Variants in UGT1A9 observed in about 807,000 individuals in gnomAD.
UGT1A9 encodes UDP-glucuronosyltransferase 1A9.
In UGT1A9, 35 loss-of-function variants were observed where a neutral mutation model predicts 45.0. The observed-to-expected ratio is 0.78, with a 90% confidence interval of 0.59 to 1.03. The LOEUF is 1.03. Among genes scored for constraint, UGT1A9 ranks in the 50% least tolerant of loss-of-function variants. The probability of loss-of-function intolerance (pLI) is 0.00; values close to 1 mark genes in which losing one functional copy is unlikely to be tolerated. For synonymous variants in UGT1A9, 278 were observed against 250.6 expected, an observed-to-expected ratio of 1.11 and a Z score of -1.03; for missense variants, 687 against 666.6, an observed-to-expected ratio of 1.03 and a Z score of -0.34.
At chr2:233,759,114 A>T (rs1268154790) in intron 1 of UGT1A9, among the ~76,000 whole-genome samples, 1 of 152,228 alleles carries the variant, frequency 6.6e-6, no homozygotes, top group Non-Finnish European at 1.5e-5. Context: ...CAAACCAGGG[A>T]GTTACAGCCT....
chr2:233,721,778 T>C (rs1223743047), intron 1 of UGT1A9: 3 of 503,204 alleles, frequency 6.0e-6, no homozygotes, highest in African/African-American at 5.8e-5. Context: ...TTAGCATTAT[T>C]CTCTGCATTT....
At chr2:233,747,184 G>A in intron 1 of UGT1A9, 1 of 1,602,858 alleles carries the variant, frequency 6.2e-7, no homozygotes, top group Non-Finnish European at 8.5e-7. Flanking sequence ...GCGTGGGGTG[G>A]ACAGTCAGCT....
intron 1 of UGT1A9, chr2:233,691,268 C>A: frequency 3.0e-6 from 3 of 985,530 alleles, no homozygotes; most frequent in Non-Finnish European, 3.6e-6. Flanking sequence ...ATGCTGCCGC[C>A]CCCATGACTT....
At position 233,772,831 on chromosome 2, in the gene UGT1A9, T is replaced by TCACACAAGAAAGCCAGCAAGGAAG; in HGVS notation, c.*273_*274insACACAAGAAAGCCAGCAAGGAAGC. 1 of 893,952 alleles carries TCACACAAGAAAGCCAGCAAGGAAG rather than the reference T, an allele frequency of 1.1e-6. No homozygotes were observed. The highest frequency in any genetic ancestry group is 1.6e-6 in the Non-Finnish European group (1 of 642,656). 55.4% of individuals were successfully genotyped at this position (893,952 alleles called of 1,614,324 possible). A position where few individuals can be genotyped will look rare whatever the true frequency, so the allele number is the denominator to read the frequency against. On this transcript the variant is annotated 3_prime_UTR_variant, in exon 5 of 5. Coordinates refer to ENST00000354728, the MANE Select transcript of UGT1A9 (RefSeq NM_021027.3). ...AGAGGACGTGCAGACAGGCTGGCATTCTAGATTACTTTTCTTACTCTGAAA... is the reference window on the plus strand; with the variant it reads ...AGAGGACGTGCAGACAGGCTGGCATTCACACAAGAAAGCCAGCAAGGAAGCTAGATTACTTTTCTTACTCTGAAA...
chr2:233,702,192 C>G (rs1433115876), intron 1 of UGT1A9, among the ~76,000 whole-genome samples: 1 of 152,200 alleles, frequency 6.6e-6, no homozygotes. Context: ...CCTCCAGCCC[C>G]TGGCAGCCAT....
intron 1 of UGT1A9, among the ~76,000 whole-genome samples, chr2:233,749,511 A>G (rs944951323): frequency 2.0e-5 from 3 of 151,918 alleles, no homozygotes; most frequent in East Asian, 3.8e-4. Flanking sequence ...ATTAGAGAAC[A>G]CTAGCAAGGC....
intron 1 of UGT1A9, among the ~76,000 whole-genome samples, chr2:233,726,425 CTCTTAA>C (rs2077531694): frequency 6.6e-6 from 1 of 152,204 alleles, no homozygotes; most frequent in Non-Finnish European, 1.5e-5. Context: ...ATTCTGTCCA[CTCTTAA>C]TCTTATTCTT....
At chr2:233,693,126 G>A (rs1417755680) in intron 1 of UGT1A9, 9 of 1,614,224 alleles carry the variant, frequency 5.6e-6, no homozygotes, top group South Asian at 3.3e-5. Context: ...CACTGGCTTA[G>A]TATGAAGGAT....
At chr2:233,767,231 C>A in intron 2 of UGT1A9, 66 bp downstream of exon 2, 1 of 1,609,938 alleles carries the variant, frequency 6.2e-7, no homozygotes, top group Non-Finnish European at 8.5e-7. Flanking sequence ...AGACTTCCAG[C>A]TTCCAGATTA....
At chr2:233,767,781 T>A in intron 2 of UGT1A9, 68 bp from the exon 3 acceptor site, 1 of 1,613,388 alleles carries the variant, frequency 6.2e-7, no homozygotes, top group South Asian at 1.1e-5. Flanking sequence ...TTCTAGTTAG[T>A]ATAGCAGATT....
rs753963758 is a variant in UGT1A9 at position 233,707,538 on chromosome 2, C to CT, written c.855+34763dup. 8.4e-3 allele frequency among the ~76,000 whole-genome samples: 1,063 copies of CT among 126,950 alleles called. 7 individuals carry two copies. The highest frequency in any genetic ancestry group is 0.021 in the African/African-American group (741 of 34,780). The allele number at this position is 126,950 out of a possible 152,430, so 83.3% of individuals were successfully genotyped here. A position where few individuals can be genotyped will look rare whatever the true frequency, so the allele number is the denominator to read the frequency against. ...ATTTTACTGTTTTTCTTTGTCTTGC[C>CT]TTTTTTTTTTTTTTGGTTCAACCTT... On this transcript the variant is annotated intron_variant, in intron 1 of 4. Transcript: ENST00000354728.
intron 1 of UGT1A9, among the ~76,000 whole-genome samples, chr2:233,695,847 GT>G (rs912081326): frequency 5.5e-4 from 84 of 152,232 alleles, no homozygotes; most frequent in African/African-American, 1.8e-3. Flanking sequence ...GGTTTTTCCT[GT>G]TTTCTCACTC....
intron 1 of UGT1A9, chr2:233,729,122 C>T (rs559883875): frequency 1.6e-5 from 26 of 1,613,092 alleles, no homozygotes; most frequent in Middle Eastern, 3.8e-4. Context: ...GTGTCTTCTG[C>T]TGAGATGGCC....
chr2:233,751,498 G>T (rs1694741950), intron 1 of UGT1A9, among the ~76,000 whole-genome samples: 1 of 152,208 alleles, frequency 6.6e-6, no homozygotes, highest in Non-Finnish European at 1.5e-5. Flanking sequence ...CATGAGATTT[G>T]GGAGGGGCCA....
At chr2:233,749,358 A>G (rs1263480064) in intron 1 of UGT1A9, among the ~76,000 whole-genome samples, 1 of 151,706 alleles carries the variant, frequency 6.6e-6, no homozygotes, top group Non-Finnish European at 1.5e-5. Context: ...TTAAATAGTG[A>G]CTCTTGCCCT....
chr2:233,712,580 A>G (rs1406304972), intron 1 of UGT1A9, among the ~76,000 whole-genome samples: 1 of 152,234 alleles, frequency 6.6e-6, no homozygotes, highest in Non-Finnish European at 1.5e-5. Flanking sequence ...GGTCACATCC[A>G]GCAGAGACCA....
In UGT1A9 at chr2:233,724,982, C is replaced by T. The variant is rs1242883505; in HGVS notation, c.856-42052C>T. 2.1e-4 allele frequency among the ~76,000 whole-genome samples: 28 copies of T among 134,856 alleles called. 1 individual carries two copies. The highest frequency in any genetic ancestry group is 3.3e-4 in the Non-Finnish European group (21 of 62,878). The allele number at this position is 134,856 out of a possible 152,430, so 88.5% of individuals were successfully genotyped here. A position where few individuals can be genotyped will look rare whatever the true frequency, so the allele number is the denominator to read the frequency against. On this transcript the variant is annotated intron_variant, in intron 1 of 4. Coordinates refer to ENST00000354728, the MANE Select transcript of UGT1A9 (RefSeq NM_021027.3). ...GAGGCCGAGGTTGGCGGATCACTCGCGGTTAGGGGCTGGAGACCGGCCCGG... is the reference window on the plus strand; with the variant it reads ...GAGGCCGAGGTTGGCGGATCACTCGTGGTTAGGGGCTGGAGACCGGCCCGG...
chr2:233,755,024 G>A (rs533329516), intron 1 of UGT1A9: 16 of 1,306,402 alleles, frequency 1.2e-5, no homozygotes, highest in Non-Finnish European at 1.7e-5. Flanking sequence ...GGTCCTTGAA[G>A]GGCCTGCCGC....
At chr2:233,733,152 T>G (rs1034530556) in intron 1 of UGT1A9, among the ~76,000 whole-genome samples, 15 of 152,252 alleles carry the variant, frequency 9.9e-5, no homozygotes, top group African/African-American at 3.4e-4. Context: ...TTTTGCACAT[T>G]GATTTTGTAT....
Sources: gnomAD v4.1 joint callset for allele counts (sites outside exome capture counted in the v4.1 genomes callset) on GRCh38, gnomAD v4.1.1 for gene constraint, MANE v1.5 for transcripts, NCBI Gene and HGNC (gene_info 2026-07-23, HGNC 2026-07-21) for gene names.